Variants in GTF2I observed in about 807,000 individuals in gnomAD.
GTF2I encodes the protein general transcription factor IIi.
GTF2I carries 12 observed loss-of-function variants against 67.6 expected under a neutral mutation model. That is an observed-to-expected ratio of 0.18 (90% CI 0.11 to 0.29). The LOEUF (loss-of-function observed/expected upper bound fraction) is 0.29, where lower values mean the gene tolerates loss of function less well. Among genes scored for constraint, GTF2I ranks in the 10% least tolerant of loss-of-function variants. The pLI is 1.00. For missense variants in GTF2I, 271 were observed against 580.1 expected (o/e 0.47, Z 5.47); for synonymous variants, 149 against 197.0 (o/e 0.76, Z 2.04).
At chr7:74,703,824 T>A (rs1790183646) in intron 6 of GTF2I, among the ~76,000 whole-genome samples, 1 of 152,270 alleles carries the variant, frequency 6.6e-6, no homozygotes, top group Non-Finnish European at 1.5e-5. Context: ...GTCATTTTTG[T>A]ATATTATACA....
chr7:74,690,303 A>G (rs1788161193), intron 2 of GTF2I, among the ~76,000 whole-genome samples: 1 of 152,192 alleles, frequency 6.6e-6, no homozygotes, highest in Admixed American at 6.5e-5. Flanking sequence ...TGGAATCACC[A>G]ACCTTTTAAA....
At chr7:74,666,112 G>A (rs1804947539) in intron 1 of GTF2I, among the ~76,000 whole-genome samples, 2 of 152,144 alleles carry the variant, frequency 1.3e-5, no homozygotes, top group Admixed American at 1.3e-4. Context: ...CAAAGTGCTG[G>A]GATTACAGAC....
chr7:74,725,819 T>C (rs1281675644), intron 12 of GTF2I, among the ~76,000 whole-genome samples: 1 of 152,096 alleles, frequency 6.6e-6, no homozygotes, highest in Non-Finnish European at 1.5e-5. Flanking sequence ...AAAAAAGCAC[T>C]CTAGTAGATT....
At chr7:74,756,533 G>A in intron 31 of GTF2I, 1 of 47,290 alleles carries the variant, frequency 2.1e-5, no homozygotes, top group Non-Finnish European at 3.3e-5. Context: ...GGTGGAGGTT[G>A]CAGTGAGCTG....
At chr7:74,672,581 T>G (rs1178195695) in intron 1 of GTF2I, among the ~76,000 whole-genome samples, 3 of 152,004 alleles carry the variant, frequency 2.0e-5, no homozygotes, top group Non-Finnish European at 4.4e-5. Context: ...ACAGAGCCTG[T>G]GAATTGCTGA....
intron 14 of GTF2I, among the ~76,000 whole-genome samples, chr7:74,731,032 G>C (rs1794431249): frequency 6.8e-6 from 1 of 148,122 alleles, no homozygotes; most frequent in African/African-American, 2.5e-5. Context: ...ATGTATAACT[G>C]AGTTGATGCT....
chr7:74,708,104 G>A (rs1165065033), intron 8 of GTF2I, among the ~76,000 whole-genome samples: 7 of 151,796 alleles, frequency 4.6e-5, no homozygotes, highest in African/African-American at 7.3e-5. Context: ...GTTGGAGACC[G>A]GCCTGGCCAA....
chr7:74,686,373 C>T (rs1554395530), intron 1 of GTF2I, among the ~76,000 whole-genome samples: 1 of 151,902 alleles, frequency 6.6e-6, no homozygotes, highest in Non-Finnish European at 1.5e-5. Context: ...AGATTTATGG[C>T]GATTAAAGAT....
intron 14 of GTF2I, among the ~76,000 whole-genome samples, chr7:74,730,989 G>C (rs1429598649): frequency 3.7e-5 from 5 of 136,904 alleles, no homozygotes; most frequent in Non-Finnish European, 7.8e-5. Context: ...TTACAGGCGT[G>C]AGCCACCCTT....
chr7:74,749,994 A>T (rs1795704572), intron 26 of GTF2I, among the ~76,000 whole-genome samples: 1 of 138,512 alleles, frequency 7.2e-6, no homozygotes, highest in Admixed American at 7.5e-5. Context: ...TTTGGTTGCT[A>T]AATCTACACA....
At chr7:74,732,984 C>T (rs1182883072) in intron 15 of GTF2I, among the ~76,000 whole-genome samples, 6 of 149,674 alleles carry the variant, frequency 4.0e-5, no homozygotes, top group Non-Finnish European at 8.9e-5. Flanking sequence ...TTTTTTTTTT[C>T]GAGATGGAGT....
At position 74,745,293 on chromosome 7, in the gene GTF2I, C is replaced by CT. The variant is rs1410623631; in HGVS notation, c.1934+360dup. 2.2e-4 allele frequency among the ~76,000 whole-genome samples: 33 copies of CT among 149,444 alleles called. No homozygotes were observed. In the East Asian group the frequency reaches 2.4e-3, roughly 11 times the overall value. On this transcript the variant is annotated intron_variant, in intron 21 of 34. Coordinates refer to ENST00000573035, the MANE Select transcript of GTF2I (RefSeq NM_032999.4). ...TAAATATTGATGATTGAGTTTCTTT[C>CT]TTTTTTTTGAGACGGACTCTTGCTC...
chr7:74,697,867 C>T (rs1016824000), intron 3 of GTF2I, among the ~76,000 whole-genome samples: 19 of 152,094 alleles, frequency 1.2e-4, no homozygotes, highest in African/African-American at 4.3e-4. Context: ...CTCCCGGGTT[C>T]AAGCAATTCT....
At chr7:74,702,580 T>G (rs190327789) in intron 6 of GTF2I, among the ~76,000 whole-genome samples, 2 of 152,326 alleles carry the variant, frequency 1.3e-5, no homozygotes, top group Admixed American at 1.3e-4. Flanking sequence ...CCATGTTATA[T>G]TCTCACAGCA....
chr7:74,667,174 C>T (rs1267194933), intron 1 of GTF2I, among the ~76,000 whole-genome samples: 4 of 151,944 alleles, frequency 2.6e-5, no homozygotes, highest in Admixed American at 2.6e-4. Flanking sequence ...AAAAACACAT[C>T]TCTACTGAAA....
chr7:74,687,545 C>T (rs1787847035), intron 1 of GTF2I: 20 of 984,730 alleles, frequency 2.0e-5, no homozygotes, highest in Non-Finnish European at 2.4e-5. Flanking sequence ...TATTATAAAG[C>T]GCAACTTCCT....
chr7:74,666,426 G>A (rs1554388535), intron 1 of GTF2I, among the ~76,000 whole-genome samples: 1 of 152,116 alleles, frequency 6.6e-6, no homozygotes, highest in African/African-American at 2.4e-5. Flanking sequence ...GAGGACGATG[G>A]CATGTATTAT....
At chr7:74,671,938 C>T (rs1554390820) in intron 1 of GTF2I, among the ~76,000 whole-genome samples, 1 of 151,836 alleles carries the variant, frequency 6.6e-6, no homozygotes, top group Non-Finnish European at 1.5e-5. Context: ...GAGCCATGTC[C>T]CTGCCACTGC....
chr7:74,692,106 G>A (rs1424748113), intron 3 of GTF2I, among the ~76,000 whole-genome samples: 2 of 143,736 alleles, frequency 1.4e-5, no homozygotes, highest in African/African-American at 2.6e-5. Context: ...ATGGGGTCTC[G>A]CTCCGTCACC....
Sources: gnomAD v4.1 joint callset for allele counts (sites outside exome capture counted in the v4.1 genomes callset) on GRCh38, gnomAD v4.1.1 for gene constraint, MANE v1.5 for transcripts, NCBI Gene and HGNC (gene_info 2026-07-23, HGNC 2026-07-21) for gene names.